The following FBXL2 variants were observed in gnomAD, a reference collection of about 807,000 sequenced individuals.
The protein encoded by FBXL2 is F-box and leucine rich repeat protein 2, also known as F-box/LRR-repeat protein 2.
A neutral mutation model predicts 69.2 loss-of-function variants in FBXL2; 38 were observed. The observed-to-expected ratio is 0.55, with a 90% CI of 0.42 to 0.72. FBXL2 has a LOEUF of 0.72. Among genes scored for constraint, FBXL2 ranks in the 30% least tolerant of loss-of-function variants. FBXL2 has a pLI of 0.00. For synonymous variants in FBXL2, 192 were observed against 201.3 expected (o/e 0.95, Z 0.39); for missense variants, 354 against 520.3 (o/e 0.68, Z 3.11).
downstream of FBXL2, among the ~76,000 whole-genome samples, chr3:33,406,177 T>C (rs1033869754): frequency 6.6e-6 from 1 of 152,146 alleles, no homozygotes; most frequent in African/African-American, 2.4e-5. Flanking sequence ...TACTCAGAAG[T>C]CTGAGGCAGG....
chr3:33,418,700 A>T, the FBXL2 span, among the ~76,000 whole-genome samples: 1 of 151,784 alleles, frequency 6.6e-6, no homozygotes, highest in Non-Finnish European at 1.5e-5. Context: ...CTCTACTAAA[A>T]ATACAAAAAT....
chr3:33,278,818 T>A (rs1409470088), intron 1 of FBXL2, among the ~76,000 whole-genome samples: 2 of 152,212 alleles, frequency 1.3e-5, no homozygotes, highest in Non-Finnish European at 2.9e-5. Flanking sequence ...GAAACTGAAT[T>A]TTATGAAGAT....
At chr3:33,376,291 T>A (rs1323190574) in intron 10 of FBXL2, among the ~76,000 whole-genome samples, 1 of 152,196 alleles carries the variant, frequency 6.6e-6, no homozygotes, top group Non-Finnish European at 1.5e-5. Context: ...TTTAACTTTA[T>A]CCAAGAGGCA....
At chr3:33,296,343 G>A (rs1216221785) in intron 1 of FBXL2, among the ~76,000 whole-genome samples, 1 of 152,140 alleles carries the variant, frequency 6.6e-6, no homozygotes, top group African/African-American at 2.4e-5. Context: ...TAGGATTACA[G>A]GCATGAGCTG....
intron 2 of FBXL2, among the ~76,000 whole-genome samples, chr3:33,310,160 T>G (rs975963366): frequency 6.6e-6 from 1 of 152,150 alleles, no homozygotes; most frequent in Non-Finnish European, 1.5e-5. Context: ...TATTTTATTT[T>G]ATTTTTTTGG....
chr3:33,316,423 C>T (rs893093777), intron 2 of FBXL2, among the ~76,000 whole-genome samples: 1 of 152,106 alleles, frequency 6.6e-6, no homozygotes, highest in Non-Finnish European at 1.5e-5. Flanking sequence ...GTGTGGGATC[C>T]CATCCTAAAA....
rs796299229 is a variant in FBXL2 at position 33,387,285 on chromosome 3, A to ATTAGT, written c.*1685_*1689dup. 2.6e-5 allele frequency: 4 copies of ATTAGT among 152,202 alleles called. No homozygotes were observed. Among genetic ancestry groups the ATTAGT allele is most frequent in the Non-Finnish European group, 2.9e-5 (2 of 68,026 alleles). The allele number at this position is 152,202 out of a possible 1,614,324, so 9.4% of individuals were successfully genotyped here. A position where few individuals can be genotyped will look rare whatever the true frequency, so the allele number is the denominator to read the frequency against. ...AACAGACTTGCTTCAGTGATTATGA[A>ATTAGT]TTAGTTTAGTTTCTATTAAAAAAAA... On this transcript the variant is annotated 3_prime_UTR_variant, in exon 15 of 15. Coordinates refer to ENST00000484457, the MANE Select transcript of FBXL2 (RefSeq NM_012157.5).
chr3:33,325,684 A>G (rs1200131476), intron 2 of FBXL2, among the ~76,000 whole-genome samples: 1 of 152,194 alleles, frequency 6.6e-6, no homozygotes, highest in Non-Finnish European at 1.5e-5. Flanking sequence ...CCATTAAATC[A>G]TTGGTCTTTC....
intron 2 of FBXL2, among the ~76,000 whole-genome samples, chr3:33,344,120 GA>G (rs979352281): frequency 2.3e-4 from 34 of 150,300 alleles, no homozygotes; most frequent in Non-Finnish European, 4.3e-4. Flanking sequence ...CAAAAAAAAA[GA>G]AAAAAAGCTA....
chr3:33,416,724 A>C, the FBXL2 span: 3 of 1,483,344 alleles, frequency 2.0e-6, no homozygotes, highest in African/African-American at 2.8e-5. Flanking sequence ...AATCACAGCA[A>C]TATCCATTGG....
chr3:33,349,281 A>G (rs1019013187), intron 2 of FBXL2, among the ~76,000 whole-genome samples: 1 of 152,148 alleles, frequency 6.6e-6, no homozygotes, highest in African/African-American at 2.4e-5. Context: ...TGTTCCTTCT[A>G]TACCTAGTTT....
downstream of FBXL2, among the ~76,000 whole-genome samples, chr3:33,407,611 A>G (rs2044462117): frequency 6.6e-6 from 1 of 152,014 alleles, no homozygotes. Context: ...CACTAGGATG[A>G]GTACAATTTC....
chr3:33,411,707 T>C, the FBXL2 span: 7 of 1,592,914 alleles, frequency 4.4e-6, no homozygotes, highest in East Asian at 1.6e-4. Flanking sequence ...AAAAAGAAGT[T>C]ACATAAAAAC....
chr3:33,358,408 G>A (rs568864924), intron 2 of FBXL2, among the ~76,000 whole-genome samples: 8 of 152,210 alleles, frequency 5.3e-5, no homozygotes, highest in Non-Finnish European at 1.2e-4. Flanking sequence ...GATTTTGTTT[G>A]CTTCTGTCTG....
chr3:33,307,289 T>C (rs2036807933), intron 2 of FBXL2, among the ~76,000 whole-genome samples: 1 of 152,134 alleles, frequency 6.6e-6, no homozygotes, highest in Non-Finnish European at 1.5e-5. Flanking sequence ...AATCTAATCA[T>C]GAGGAAGTAT....
chr3:33,313,241 A>G (rs929723550), intron 2 of FBXL2, among the ~76,000 whole-genome samples: 5 of 152,140 alleles, frequency 3.3e-5, no homozygotes, highest in African/African-American at 1.2e-4. Flanking sequence ...GAAATAGATA[A>G]TCTAAAGAAT....
intron 2 of FBXL2, among the ~76,000 whole-genome samples, chr3:33,323,129 C>T (rs2038376642): frequency 6.6e-6 from 1 of 152,074 alleles, no homozygotes; most frequent in Admixed American, 6.5e-5. Context: ...TTGATTTGAT[C>T]TTAAGAATAC....
intron 12 of FBXL2, among the ~76,000 whole-genome samples, chr3:33,394,934 T>A (rs575099702): frequency 2.0e-5 from 3 of 151,928 alleles, no homozygotes; most frequent in Admixed American, 2.0e-4. Flanking sequence ...AGAGACCCTA[T>A]GTATGATCTA....
At chr3:33,338,113 T>A (rs2039732568) in intron 2 of FBXL2, among the ~76,000 whole-genome samples, 3 of 152,062 alleles carry the variant, frequency 2.0e-5, no homozygotes, top group Admixed American at 1.3e-4. Context: ...GAAAAAAATA[T>A]TCTAAAGTTA....
Sources: allele counts gnomAD v4.1 joint callset (sites outside exome capture counted in the v4.1 genomes callset), GRCh38; gene constraint gnomAD v4.1.1; transcripts MANE v1.5; gene names NCBI Gene and HGNC (gene_info 2026-07-23, HGNC 2026-07-21).